The following PKDCC variants were observed in gnomAD, a reference collection of about 807,000 sequenced individuals.
PKDCC encodes extracellular tyrosine-protein kinase PKDCC.
A neutral mutation model predicts 44.7 loss-of-function variants in PKDCC; 35 were observed. That is an observed-to-expected ratio of 0.78 (90% CI 0.60 to 1.04). The LOEUF is 1.04. Ranked by LOEUF, PKDCC falls within the 50% of genes least tolerant of loss-of-function variation. The pLI, the probability that PKDCC is intolerant of heterozygous loss-of-function variation, is 0.00. For missense variants in PKDCC, 738 were observed against 672.7 expected, an observed-to-expected ratio of 1.10 and a Z score of -1.07; for synonymous variants, 353 against 303.3, an observed-to-expected ratio of 1.16 and a Z score of -1.70.
rs115236602 is a variant in PKDCC at position 42,055,622 on chromosome 2, C to T, written c.1222+229C>T. The T allele has an allele frequency of 1.3e-4, 71 of 539,632 alleles. No individual in the cohort carries two copies. Among genetic ancestry groups the T allele is most frequent in the African/African-American group, 1.3e-3 (68 of 52,580 alleles). 33.4% of individuals were successfully genotyped at this position (539,632 alleles called of 1,614,324 possible). ...TCTGCCTTCAACCTGGGGTTGGGCA[C>T]TGATACCCCTACTCTGGATGGCTCC... On this transcript the variant is annotated intron_variant, in intron 5 of 6. Transcript: ENST00000294964. This position sits in a 1 kb window ranked among gnomAD's most constrained non-coding sequence, Gnocchi z 4.5.
intron 1 of PKDCC, among the ~76,000 whole-genome samples, chr2:42,049,057 C>T (rs1240362910): frequency 2.0e-5 from 3 of 152,158 alleles, no homozygotes; most frequent in African/African-American, 7.2e-5. Context: ...TTCTCGGCTT[C>T]CACACATCTC....
rs1349205719 is a variant in PKDCC, at chr2:42,057,484, G to T, written c.1396+90G>T. On this transcript the variant is annotated intron_variant, in intron 6 of 6. Coordinates refer to ENST00000294964, the MANE Select transcript of PKDCC (RefSeq NM_138370.3). ...TGATCCCCCATCGGAAGTCAGAGGG[G>T]GTGCTGAGGTGATGAGAGAGAGGTA... The T allele has an allele frequency of 1.2e-5, 19 of 1,570,128 alleles. No homozygotes were observed. The East Asian group carries it at 4.3e-4, about 35-fold the overall frequency.
chr2:42,053,371 G>A lies in PKDCC; in HGVS notation c.762+10G>A, dbSNP rs199966849. The A allele has an allele frequency of 1.2e-6, 2 of 1,607,808 alleles. No individual in the cohort carries two copies. The highest frequency in any genetic ancestry group is 2.7e-5 in the African/African-American group (2 of 74,952). ...GGAGGATCGATTCCGAGTGAGCTCA[G>A]AGGAGGGCTCGGGCCCTGGGCTCCT... On this transcript the variant is annotated intron_variant, in intron 2 of 6. Transcript: ENST00000294964.
rs974966881 is a variant in PKDCC at position 42,051,610 on chromosome 2, T to C, written c.640-1629T>C. Among the ~76,000 whole-genome samples the C allele has an allele frequency of 3.3e-5, 5 of 152,280 alleles. No homozygotes were observed. The highest frequency in any genetic ancestry group is 2.6e-4 in the Admixed American group (4 of 15,298). On this transcript the variant is annotated intron_variant, in intron 1 of 6. Transcript: ENST00000294964. The surrounding 1 kb of genome is among the most constrained non-coding windows in gnomAD (Gnocchi z 4.2). ...AAGTTTCCCACAAAGGCTCAGACTC[T>C]GGGCAAGAAAATGAGAACCAGGCCC... is the stretch of plus-strand genomic sequence containing the variant.
chr2:42,050,444 G>A (rs537852458), intron 1 of PKDCC, among the ~76,000 whole-genome samples: 1 of 152,270 alleles, frequency 6.6e-6, no homozygotes, highest in East Asian at 1.9e-4. Context: ...CGGGTTTGAT[G>A]TTTGATGTGC....
intron 5 of PKDCC, among the ~76,000 whole-genome samples, chr2:42,056,619 T>C (rs866374278): frequency 1.5e-4 from 23 of 152,044 alleles, no homozygotes; most frequent in Middle Eastern, 3.4e-3. Flanking sequence ...CTTCATTTGG[T>C]TGGGCATGGT....
intron 1 of PKDCC, among the ~76,000 whole-genome samples, chr2:42,049,476 C>T (rs139403058): frequency 1.2e-3 from 184 of 152,188 alleles, no homozygotes; most frequent in African/African-American, 4.4e-3. Context: ...TAAGGGTTCC[C>T]CAGGCCTTAA....
intron 6 of PKDCC, 67 bp downstream of exon 6, chr2:42,057,461 A>G (rs1419612999): frequency 6.3e-7 from 1 of 1,598,236 alleles, no homozygotes; most frequent in Non-Finnish European, 8.6e-7. Flanking sequence ...ATAGATAGTG[A>G]TCCCCCATCG....
rs781660036 is a variant in PKDCC, at chr2:42,054,192, G to A, written c.919G>A (p.Ala307Thr). 1.9e-6 allele frequency: 3 copies of A among 1,608,332 alleles called. No individual in the cohort carries two copies. The highest frequency in any genetic ancestry group is 1.7e-4 in the Middle Eastern group (1 of 5,908). ...DDARVEETPC[A>T]GSTDCILEFP... Reference sequence around the variant, plus strand: ...CGCACGTGTGGAGGAGACGCCGTGTGCAGGCAGCACCGACTGCATACTCGA... The same window carrying A: ...CGCACGTGTGGAGGAGACGCCGTGTACAGGCAGCACCGACTGCATACTCGA... Residue 307 changes from alanine (A) to threonine (T), a missense_variant, in exon 3 of 7, where the codon GCA becomes ACA. Physicochemically the swap from Ala to Thr is moderately conservative, Grantham distance 58. Transcript: ENST00000294964. The surrounding 1 kb of genome is among the most constrained non-coding windows in gnomAD (Gnocchi z 6.1).
In PKDCC at chr2:42,053,110, C is replaced by T. The variant is rs1372488353; in HGVS notation, c.640-129C>T. On this transcript the variant is annotated intron_variant, in intron 1 of 6. Transcript: ENST00000294964. ...GCTTCCCAGGCAACGCTGCCATTCTCTTCTGGCCTGAGCTGAAGCAAAGGC... is the reference window on the plus strand; with the variant it reads ...GCTTCCCAGGCAACGCTGCCATTCTTTTCTGGCCTGAGCTGAAGCAAAGGC... 4 of 1,090,134 alleles carry T rather than the reference C, an allele frequency of 3.7e-6. No individual in the cohort carries two copies. In the East Asian group the frequency reaches 7.4e-5, roughly 20 times the overall value. 67.5% of individuals were successfully genotyped at this position (1,090,134 alleles called of 1,614,324 possible). A position where few individuals can be genotyped will look rare whatever the true frequency, so the allele number is the denominator to read the frequency against.
In PKDCC at chr2:42,051,651, TA is replaced by T. The variant is rs1246324556; in HGVS notation, c.640-1587del. ...AACCAGGCCCCAGGGCTGTTCCCCT[TA>T]CCTTCCCCCCACCCCACCAGGGTCT... On this transcript the variant is annotated intron_variant, in intron 1 of 6. Transcript: ENST00000294964. The surrounding 1 kb of genome is among the most constrained non-coding windows in gnomAD (Gnocchi z 4.2). Among the ~76,000 whole-genome samples, 1 of 152,070 alleles carries T rather than the reference TA, an allele frequency of 6.6e-6. No individual in the cohort carries two copies. Among genetic ancestry groups the T allele is most frequent in the Non-Finnish European group, 1.5e-5 (1 of 67,984 alleles).
At position 42,051,044 on chromosome 2, in the gene PKDCC, A is replaced by G. The variant is rs1489707570; in HGVS notation, c.640-2195A>G. The stretch of plus-strand genomic sequence containing the variant: ...TGCTGAACTGGGGAGGAGTTAGAGA[A>G]CATTTCTAGAGTTCCTAGTGGTGCA... On this transcript the variant is annotated intron_variant, in intron 1 of 6. Coordinates refer to ENST00000294964, the MANE Select transcript of PKDCC (RefSeq NM_138370.3). The surrounding 1 kb of genome is among the most constrained non-coding windows in gnomAD (Gnocchi z 4.2). Among the ~76,000 whole-genome samples the G allele has an allele frequency of 6.6e-6, 1 of 152,110 alleles. No homozygotes were observed. The highest frequency in any genetic ancestry group is 2.4e-5 in the African/African-American group (1 of 41,398).
Position 42,052,739 on chromosome 2 carries a change from CAAA to C in PKDCC, c.640-489_640-487del, listed in dbSNP as rs567556529. Among the ~76,000 whole-genome samples, 1 of 115,346 alleles carries C rather than the reference CAAA, an allele frequency of 8.7e-6. No individual in the cohort carries two copies. The allele number at this position is 115,346 out of a possible 152,430, so 75.7% of individuals were successfully genotyped here. A position where few individuals can be genotyped will look rare whatever the true frequency, so the allele number is the denominator to read the frequency against. On this transcript the variant is annotated intron_variant, in intron 1 of 6. Transcript: ENST00000294964. This position sits in a 1 kb window ranked among gnomAD's most constrained non-coding sequence, Gnocchi z 4.3. ...CCTGGGCAACAGAGCGAGGCTGTCTCAAAAAAAAAAAAAGAAAAGAAAAGAAAA... is the reference window on the plus strand; with the variant it reads ...CCTGGGCAACAGAGCGAGGCTGTCTCAAAAAAAAAAGAAAAGAAAAGAAAA...
chr2:42,050,598 A>G (rs1422377715), intron 1 of PKDCC, among the ~76,000 whole-genome samples: 1 of 152,166 alleles, frequency 6.6e-6, no homozygotes, highest in East Asian at 1.9e-4. Context: ...TGAAGGCACC[A>G]AAGAAAAAAT....
In PKDCC at chr2:42,055,897, C is replaced by T. The variant is rs1452292466; in HGVS notation, c.1222+504C>T. 6.6e-6 allele frequency among the ~76,000 whole-genome samples: 1 copy of T among 152,202 alleles called. No homozygotes were observed. The highest frequency in any genetic ancestry group is 1.5e-5 in the Non-Finnish European group (1 of 68,034). On this transcript the variant is annotated intron_variant, in intron 5 of 6. Coordinates refer to ENST00000294964, the MANE Select transcript of PKDCC (RefSeq NM_138370.3). This position sits in a 1 kb window ranked among gnomAD's most constrained non-coding sequence, Gnocchi z 4.5. Reference sequence around the variant, plus strand: ...GGCACTGCATGTTAGGGAAGGCACACACTGAAACCAGCCAAGAAGCCCCAG... The same window carrying T: ...GGCACTGCATGTTAGGGAAGGCACATACTGAAACCAGCCAAGAAGCCCCAG...
chr2:42,051,099 C>T lies in PKDCC; in HGVS notation c.640-2140C>T, dbSNP rs554383396. 1.2e-4 allele frequency among the ~76,000 whole-genome samples: 18 copies of T among 152,130 alleles called. No homozygotes were observed. Among genetic ancestry groups the T allele is most frequent in the Non-Finnish European group, 2.1e-4 (14 of 68,014 alleles). Reference sequence around the variant, plus strand: ...CACCACCCTCCCTCTCTGAGCAGCCCAGAATTGGTGCTGTGGATTCTAATA... The same window carrying T: ...CACCACCCTCCCTCTCTGAGCAGCCTAGAATTGGTGCTGTGGATTCTAATA... On this transcript the variant is annotated intron_variant, in intron 1 of 6. Transcript: ENST00000294964. The surrounding 1 kb of genome is among the most constrained non-coding windows in gnomAD (Gnocchi z 4.2).
Position 42,054,566 on chromosome 2 carries a change from G to T in PKDCC, c.1034+259G>T, listed in dbSNP as rs977971441. On this transcript the variant is annotated intron_variant, in intron 3 of 6. Transcript: ENST00000294964. The surrounding 1 kb of genome is among the most constrained non-coding windows in gnomAD (Gnocchi z 6.1). ...AATAGTGTTGGACTCGGAGCCTAGG[G>T]CTGGTGGAACTGGCACTTTTCCCTT... 1.8e-6 allele frequency: 1 copy of T among 562,062 alleles called. No individual in the cohort carries two copies. Among genetic ancestry groups the T allele is most frequent in the Non-Finnish European group, 3.1e-6 (1 of 319,234 alleles). The allele number at this position is 562,062 out of a possible 1,614,324, so 34.8% of individuals were successfully genotyped here.
Position 42,054,273 on chromosome 2 carries a change from A to T in PKDCC, c.1000A>T (p.Met334Leu). 1 of 1,606,176 alleles carries T rather than the reference A, an allele frequency of 6.2e-7. No homozygotes were observed. The highest frequency in any genetic ancestry group is 2.2e-5 in the East Asian group (1 of 44,626). Residue 334 changes from methionine to leucine, a missense_variant, in exon 3 of 7, where the codon ATG becomes TTG. Coordinates refer to ENST00000294964, the MANE Select transcript of PKDCC (RefSeq NM_138370.3). This position sits in a 1 kb window ranked among gnomAD's most constrained non-coding sequence, Gnocchi z 6.1. ...CTCAGCCCAGGGCTGGTGCGAGGGC[A>T]TGAACGAGAAGCGGAACCTCTATAA... ...PCSAQGWCEG[M>L]NEKRNLYNAY...
At position 42,057,583 on chromosome 2, in the gene PKDCC, C is replaced by T; in HGVS notation, c.1397-20C>T. On this transcript the variant is annotated intron_variant, in intron 6 of 6. Transcript: ENST00000294964. ...AAAGAGAAACATCCAGCCCTGTTAC[C>T]TCTCACCTCTGCCCCCCAGGTCGGC... 6.2e-7 allele frequency: 1 copy of T among 1,611,830 alleles called. No individual in the cohort carries two copies. The highest frequency in any genetic ancestry group is 8.5e-7 in the Non-Finnish European group (1 of 1,178,884).
Sources: allele counts gnomAD v4.1 joint callset (sites outside exome capture counted in the v4.1 genomes callset), GRCh38; gene constraint gnomAD v4.1.1; non-coding constraint Gnocchi (gnomAD v3.1); transcripts MANE v1.5; gene names NCBI Gene and HGNC (gene_info 2026-07-23, HGNC 2026-07-21).